ARAP3: variants seen among roughly 807,000 people sequenced by gnomAD.
ARAP3 encodes ArfGAP with RhoGAP domain, ankyrin repeat and PH domain 3, also known as arf-GAP with Rho-GAP domain, ANK repeat and PH domain-containing protein 3.
Under a neutral mutation model 169.2 loss-of-function variants are expected in ARAP3, and 82 were observed. That is an observed-to-expected ratio of 0.48 (90% CI 0.41 to 0.58). The LOEUF (loss-of-function observed/expected upper bound fraction) is 0.58, where lower values mean the gene tolerates loss of function less well. Among genes scored for constraint, ARAP3 ranks in the 20% least tolerant of loss-of-function variants. ARAP3 has a pLI of 0.00. For missense variants in ARAP3, 1,764 were observed against 2,018.0 expected (o/e 0.87, Z 2.41); for synonymous variants, 791 against 800.3 (o/e 0.99, Z 0.20).
At chr5:141,663,235 C>G (rs551958493) in intron 19 of ARAP3, among the ~76,000 whole-genome samples, 9 of 152,252 alleles carry the variant, frequency 5.9e-5, no homozygotes, top group African/African-American at 2.2e-4. Context: ...AGCAGCTCAA[C>G]CAATGTATGC....
At position 141,672,546 on chromosome 5, in the gene ARAP3, C is replaced by G. The variant is rs2099911590; in HGVS notation, c.1385+6G>C. 1.2e-6 allele frequency: 2 copies of G among 1,613,724 alleles called. No homozygotes were observed. Among genetic ancestry groups the G allele is most frequent in the Admixed American group, 1.7e-5 (1 of 59,942 alleles). Reference sequence around the variant, plus strand: ...CAGCCTTGCCTCCCACTGGCCCAGGCCCCACCTGAAGCAGCGATGGGGTGT... The same window carrying G: ...CAGCCTTGCCTCCCACTGGCCCAGGGCCCACCTGAAGCAGCGATGGGGTGT... On this transcript the variant is annotated splice_donor_region_variant and intron_variant, in intron 9 of 32. Coordinates refer to ENST00000239440, the MANE Select transcript of ARAP3 (RefSeq NM_022481.6). The surrounding 1 kb of genome is among the most constrained non-coding windows in gnomAD (Gnocchi z 4.9).
At chr5:141,654,928 G>A (rs535540033) in intron 32 of ARAP3, among the ~76,000 whole-genome samples, 5 of 151,700 alleles carry the variant, frequency 3.3e-5, no homozygotes, top group East Asian at 1.9e-4. Context: ...TAGTAGAGAC[G>A]GGATTTCACC....
chr5:141,659,611 G>A, intron 22 of ARAP3, 135 bp from the exon 23 acceptor site: 1 of 1,323,298 alleles, frequency 7.6e-7, no homozygotes, highest in Non-Finnish European at 1.1e-6. Context: ...GATGTTGGAA[G>A]TGAAGTTGTG....
chr5:141,655,329 C>T (rs749196255), intron 32 of ARAP3, 33 bp downstream of exon 32: 3 of 1,564,498 alleles, frequency 1.9e-6, no homozygotes, highest in Non-Finnish European at 2.6e-6. Context: ...ACAGGGTTGA[C>T]AGGCACACCG....
intron 4 of ARAP3, among the ~76,000 whole-genome samples, chr5:141,675,349 C>T (rs2099912022): frequency 2.6e-5 from 4 of 152,088 alleles, no homozygotes; most frequent in African/African-American, 7.2e-5. Context: ...CCACACCAGA[C>T]ACTTAAATGT....
chr5:141,682,145 G>A (rs1485776789), intron 1 of ARAP3, 28 bp downstream of exon 1: 1 of 152,234 alleles, frequency 6.6e-6, no homozygotes, highest in East Asian at 1.9e-4. Context: ...CTGGGAAGCA[G>A]GGACCCGGGG....
rs2099911428 is a variant in ARAP3 at position 141,671,385 on chromosome 5, C to T, written c.1870G>A (p.Val624Met). The change falls in exon 13 of 33, where the codon GTG (valine) becomes ATG (methionine). Residue 624 changes from valine (V) to methionine (M), a missense_variant. Physicochemically the swap from Val to Met is conservative, Grantham distance 21. This residue lies in a region of ARAP3 where 1,112 missense variants were observed against 1,285.7 expected (regional missense o/e 0.86). Coordinates refer to ENST00000239440, the MANE Select transcript of ARAP3 (RefSeq NM_022481.6). The surrounding 1 kb of genome is among the most constrained non-coding windows in gnomAD (Gnocchi z 4.9). ...TTCTTCAGCAGGTTGGGTCTTGCCA[C>T]AGCTGCACACAGTGCCTGCAGGGAG... is the stretch of plus-strand genomic sequence containing the variant. ...SQLLQALCAA[V>M]ARPNLLKNMT... 1 of 1,611,336 alleles carries T rather than the reference C, an allele frequency of 6.2e-7. No homozygotes were observed. The highest frequency in any genetic ancestry group is 1.7e-5 in the Admixed American group (1 of 59,664).
intron 16 of ARAP3, among the ~76,000 whole-genome samples, chr5:141,668,329 G>A (rs1267092973): frequency 1.3e-5 from 2 of 152,140 alleles, no homozygotes; most frequent in Non-Finnish European, 2.9e-5. Flanking sequence ...CTGGGCTCAA[G>A]CAATCCTCCC....
In ARAP3 at chr5:141,655,667, C is replaced by A; in HGVS notation, c.4064G>T (p.Arg1355Leu). The A allele has an allele frequency of 6.2e-7, 1 of 1,614,132 alleles. No individual in the cohort carries two copies. Among genetic ancestry groups the A allele is most frequent in the Non-Finnish European group, 8.5e-7 (1 of 1,180,022 alleles). ...GAGGGTGGCTCCACTGTCATCCCCA[C>A]GGATAGGCAGCAAAGGCATAGTGCC... ...KFGTMPLLPIRGDDSGATLLS... is the reference protein window; with the variant it reads ...KFGTMPLLPILGDDSGATLLS... Residue 1355 changes from arginine (R) to leucine (L), a missense_variant, in exon 31 of 33, where the codon CGT becomes CTT. By Grantham distance (102) the Arg-to-Leu change is moderately radical. This residue lies in a region of ARAP3 where 1,112 missense variants were observed against 1,285.7 expected (regional missense o/e 0.86). Coordinates refer to ENST00000239440, the MANE Select transcript of ARAP3 (RefSeq NM_022481.6).
At chr5:141,666,920 C>T (rs867105833) in intron 16 of ARAP3, among the ~76,000 whole-genome samples, 1 of 152,030 alleles carries the variant, frequency 6.6e-6, no homozygotes, top group Non-Finnish European at 1.5e-5. Flanking sequence ...GCCTCATGCC[C>T]TTAATTGAGG....
intron 16 of ARAP3, 86 bp downstream of exon 16, chr5:141,669,623 G>T: frequency 7.7e-7 from 1 of 1,290,356 alleles, no homozygotes; most frequent in Non-Finnish European, 1.1e-6. Context: ...TGGAAGAAGT[G>T]GCTGTAGGAA....
At chr5:141,654,752 T>TG (rs1282018031) in intron 32 of ARAP3, among the ~76,000 whole-genome samples, 2 of 151,870 alleles carry the variant, frequency 1.3e-5, no homozygotes, top group African/African-American at 4.8e-5. Flanking sequence ...TTTTTTTTTT[T>TG]TTTTGAGACA....
In ARAP3 at chr5:141,670,514, T is replaced by A; in HGVS notation, c.2105A>T (p.Asp702Val). ...CCCATCCCTTGGCTCCCCCTCACCATCCCGGCCCCTGCGAGGGGGTGAGGG... is the reference window on the plus strand; with the variant it reads ...CCCATCCCTTGGCTCCCCCTCACCAACCCGGCCCCTGCGAGGGGGTGAGGG... ...AGPSPPRRGR[D>V]APPRLWCVLG... The change falls in exon 14 of 33, where the codon GAT becomes GTT. Residue 702 changes from aspartate (D) to valine (V), a missense_variant and splice_region_variant. By Grantham distance (152) the Asp-to-Val change is radical. Coordinates refer to ENST00000239440, the MANE Select transcript of ARAP3 (RefSeq NM_022481.6). The A allele has an allele frequency of 6.2e-7, 1 of 1,613,646 alleles. No homozygotes were observed. Among genetic ancestry groups the A allele is most frequent in the Non-Finnish European group, 8.5e-7 (1 of 1,179,704 alleles).
chr5:141,681,947 G>T (rs1335365641), intron 1 of ARAP3, among the ~76,000 whole-genome samples: 1 of 151,914 alleles, frequency 6.6e-6, no homozygotes, highest in South Asian at 2.1e-4. Flanking sequence ...TCGCGGGACA[G>T]GAGTGGCGGG....
chr5:141,657,192 G>T (rs902517111), intron 25 of ARAP3, among the ~76,000 whole-genome samples: 8 of 152,264 alleles, frequency 5.3e-5, no homozygotes, highest in African/African-American at 1.9e-4. Flanking sequence ...GAGACTCAGA[G>T]ATCTGAAGGA....
rs373153336 is a variant in ARAP3, at chr5:141,666,661, G to A, written c.2353-18C>T. 7.6e-5 allele frequency: 102 copies of A among 1,334,246 alleles called. No homozygotes were observed. The highest frequency in any genetic ancestry group is 2.3e-5 in the Non-Finnish European group (24 of 1,026,832). The allele number at this position is 1,334,246 out of a possible 1,614,324, so 82.7% of individuals were successfully genotyped here. ...GAGAACCACTGTAGAGGCAGGGGGA[G>A]GACAGGAGAAAGGGGGATGGGGGAA... On this transcript the variant is annotated intron_variant, in intron 16 of 32. Coordinates refer to ENST00000239440, the MANE Select transcript of ARAP3 (RefSeq NM_022481.6).
intron 20 of ARAP3, 51 bp from the exon 21 acceptor site, chr5:141,661,840 C>T: frequency 3.1e-6 from 5 of 1,588,584 alleles, no homozygotes; most frequent in Non-Finnish European, 4.3e-6. Context: ...GAAAGAGTGG[C>T]AGCTGGTACA....
At chr5:141,661,960 C>A (rs1294559295) in intron 20 of ARAP3, 83 bp downstream of exon 20, 2 of 1,569,796 alleles carry the variant, frequency 1.3e-6, no homozygotes, top group African/African-American at 1.3e-5. Flanking sequence ...AGTGATGGGG[C>A]GGAGGGCTGC....
At chr5:141,679,328 C>G (rs1269118016) in intron 4 of ARAP3, among the ~76,000 whole-genome samples, 3 of 152,188 alleles carry the variant, frequency 2.0e-5, no homozygotes, top group Admixed American at 2.0e-4. Flanking sequence ...TCCCAATTTT[C>G]CATTATATGA....
Sources: allele counts gnomAD v4.1 joint callset (sites outside exome capture counted in the v4.1 genomes callset), GRCh38; gene constraint gnomAD v4.1.1; regional missense constraint gnomAD v4.1.1; non-coding constraint Gnocchi (gnomAD v3.1); transcripts MANE v1.5; gene names NCBI Gene and HGNC (gene_info 2026-07-23, HGNC 2026-07-21).